Variants in RIMS2 observed in about 807,000 individuals in gnomAD.
RIMS2 encodes regulating synaptic membrane exocytosis 2, also known as regulating synaptic membrane exocytosis protein 2.
RIMS2 carries 59 observed loss-of-function variants against 174.4 expected under a neutral mutation model. The ratio of observed to expected loss-of-function variants is 0.34; its 90% CI spans 0.27 to 0.42. The LOEUF (loss-of-function observed/expected upper bound fraction) is 0.42, where lower values mean the gene tolerates loss of function less well. Ranked by LOEUF, RIMS2 falls within the 10% of genes least tolerant of loss-of-function variation. The probability of loss-of-function intolerance (pLI) is 1.00; values close to 1 mark genes in which losing one functional copy is unlikely to be tolerated. For synonymous variants in RIMS2, 606 were observed against 572.5 expected, an observed-to-expected ratio of 1.06 and a Z score of -0.84; for missense variants, 1,620 against 1,666.3, an observed-to-expected ratio of 0.97 and a Z score of 0.48.
intron 1 of RIMS2, among the ~76,000 whole-genome samples, chr8:103,631,258 A>T (rs796835178): frequency 1.5e-4 from 23 of 152,184 alleles, no homozygotes; most frequent in African/African-American, 5.1e-4. Context: ...TTTGGGTTTT[A>T]TATTTAAGTC....
Position 103,643,894 on chromosome 8 carries a change from G to A in RIMS2, c.177-53192G>A, listed in dbSNP as rs531019783. On this transcript the variant is annotated intron_variant, in intron 1 of 23. Coordinates refer to ENST00000504942, the Ensembl canonical transcript of RIMS2. ...ATTTTCTACATTGAAGGCTAGAGGA[G>A]GATGAAATTGGGTATTTACCTTCCT... Among the ~76,000 whole-genome samples the A allele has an allele frequency of 6.6e-5, 10 of 152,178 alleles. No individual in the cohort carries two copies. The South Asian group carries it at 2.1e-3, about 32-fold the overall frequency.
chr8:103,540,190 C>T (rs1472678484), intron 1 of RIMS2, among the ~76,000 whole-genome samples: 1 of 152,174 alleles, frequency 6.6e-6, no homozygotes, highest in African/African-American at 2.4e-5. Flanking sequence ...TTACAGGTGC[C>T]ACTCATCTGA....
At chr8:103,766,824 A>G (rs1176930816) in intron 3 of RIMS2, among the ~76,000 whole-genome samples, 1 of 152,244 alleles carries the variant, frequency 6.6e-6, no homozygotes, top group East Asian at 1.9e-4. Flanking sequence ...AAGACAGACT[A>G]GCATTGGACT....
chr8:104,205,816 C>T (rs2137299229), intron 19 of RIMS2, among the ~76,000 whole-genome samples: 1 of 151,030 alleles, frequency 6.6e-6, no homozygotes, highest in East Asian at 1.9e-4. Flanking sequence ...AGTGCTGTGA[C>T]ATGATCTCGG....
intron 2 of RIMS2, among the ~76,000 whole-genome samples, chr8:103,754,077 T>G (rs1255895423): frequency 6.6e-6 from 1 of 152,198 alleles, no homozygotes; most frequent in African/African-American, 2.4e-5. Flanking sequence ...GTGCTATAAA[T>G]TTCCCTCTAC....
At chr8:103,889,395 T>C (rs1010992703) in intron 4 of RIMS2, among the ~76,000 whole-genome samples, 1 of 151,824 alleles carries the variant, frequency 6.6e-6, no homozygotes, top group African/African-American at 2.4e-5. Flanking sequence ...TTTACTTTTC[T>C]GTTTTTTTCA....
At chr8:103,756,390 GTTTT>G (rs60639460) in intron 2 of RIMS2, among the ~76,000 whole-genome samples, 1 of 112,496 alleles carries the variant, frequency 8.9e-6, no homozygotes, top group South Asian at 2.8e-4. Context: ...TGTTGTTTTT[GTTTT>G]TTTTTTTTTG....
intron 1 of RIMS2, among the ~76,000 whole-genome samples, chr8:103,662,098 A>G (rs1274802315): frequency 6.6e-6 from 1 of 152,218 alleles, no homozygotes; most frequent in African/African-American, 2.4e-5. Context: ...CTGATGAGCT[A>G]AAAAAAGTTT....
intron 1 of RIMS2, among the ~76,000 whole-genome samples, chr8:103,521,773 G>A (rs1393156858): frequency 6.6e-6 from 1 of 151,454 alleles, no homozygotes; most frequent in Admixed American, 6.6e-5. Flanking sequence ...TTTCTCTGGA[G>A]ATTTGGGGAT....
intron 14 of RIMS2, among the ~76,000 whole-genome samples, chr8:103,957,703 C>T (rs1176742847): frequency 6.6e-6 from 1 of 152,062 alleles, no homozygotes; most frequent in Non-Finnish European, 1.5e-5. Context: ...ATGTGTATAC[C>T]TATGTAACAA....
intron 1 of RIMS2, among the ~76,000 whole-genome samples, chr8:103,611,674 C>CT (rs1039069082): frequency 2.0e-4 from 30 of 146,586 alleles, no homozygotes; most frequent in African/African-American, 2.5e-4. Flanking sequence ...TTATTTGTTA[C>CT]TTTTTTTTTT....
chr8:103,740,043 C>A (rs1373484975), intron 2 of RIMS2, among the ~76,000 whole-genome samples: 1 of 152,114 alleles, frequency 6.6e-6, no homozygotes, highest in Non-Finnish European at 1.5e-5. Flanking sequence ...AATATCCACC[C>A]TTTGTACTTT....
chr8:103,824,420 A>G (rs556373022), intron 3 of RIMS2, among the ~76,000 whole-genome samples: 1 of 152,298 alleles, frequency 6.6e-6, no homozygotes, highest in African/African-American at 2.4e-5. Flanking sequence ...TGGCCCCAAC[A>G]AAAGAATTCC....
At chr8:104,069,879 A>G (rs1330869204) in intron 19 of RIMS2, among the ~76,000 whole-genome samples, 5 of 152,218 alleles carry the variant, frequency 3.3e-5, no homozygotes, top group Non-Finnish European at 7.3e-5. Context: ...GCTATTGAAG[A>G]TTTAATAAAA....
At chr8:103,918,583 T>C (rs1476825291) in intron 9 of RIMS2, 96 bp downstream of exon 12, 3 of 863,196 alleles carry the variant, frequency 3.5e-6, no homozygotes, top group Non-Finnish European at 5.9e-6. Context: ...GTAAGAAATA[T>C]GATAACCTTG....
chr8:104,200,195 T>C (rs1376655382), intron 19 of RIMS2, among the ~76,000 whole-genome samples: 2 of 151,988 alleles, frequency 1.3e-5, no homozygotes, highest in Non-Finnish European at 2.9e-5. Context: ...CAAAGAGGTA[T>C]GTTGGGTGGG....
At chr8:103,966,371 A>C (rs2091828992) in intron 15 of RIMS2, among the ~76,000 whole-genome samples, 1 of 152,038 alleles carries the variant, frequency 6.6e-6, no homozygotes, top group Non-Finnish European at 1.5e-5. Context: ...CTTTCAAGGA[A>C]TTGGTCCAGT....
rs573687300 is a variant in RIMS2 at position 103,643,573 on chromosome 8, T to C, written c.177-53513T>C. On this transcript the variant is annotated intron_variant, in intron 1 of 23. Transcript: ENST00000504942. The stretch of plus-strand genomic sequence containing the variant: ...AGAGTTAGACTGTGTTTACTGTTTA[T>C]TGTAGCTGTGGTGTCAGAGGCTAAA... 1.0e-3 allele frequency among the ~76,000 whole-genome samples: 152 copies of C among 152,170 alleles called. 1 individual carries two copies. The highest frequency in any genetic ancestry group is 1.8e-3 in the Non-Finnish European group (125 of 68,004).
chr8:103,963,777 T>A (rs2090972187), intron 15 of RIMS2, among the ~76,000 whole-genome samples: 1 of 152,204 alleles, frequency 6.6e-6, no homozygotes, highest in South Asian at 2.1e-4. Context: ...TTTGGACAAA[T>A]TGATAATGAC....
Sources: gnomAD v4.1 joint callset for allele counts (sites outside exome capture counted in the v4.1 genomes callset) on GRCh38, gnomAD v4.1.1 for gene constraint, MANE v1.5 for transcripts, NCBI Gene and HGNC (gene_info 2026-07-23, HGNC 2026-07-21) for gene names.